PDGFC: variants seen among roughly 807,000 people sequenced by gnomAD.
The protein encoded by PDGFC is platelet derived growth factor C.
In PDGFC, 12 loss-of-function variants were observed where a neutral mutation model predicts 35.5. That is an observed-to-expected ratio of 0.34 (90% confidence interval 0.22 to 0.55). PDGFC has a LOEUF of 0.55. Among genes scored for constraint, PDGFC ranks in the 20% least tolerant of loss-of-function variants. The pLI is 0.91. For synonymous variants in PDGFC, 159 were observed against 148.8 expected, an observed-to-expected ratio of 1.07 and a Z score of -0.50; for missense variants, 322 against 412.4, an observed-to-expected ratio of 0.78 and a Z score of 1.90.
chr4:156,823,833 G>A (rs944559026), intron 2 of PDGFC, among the ~76,000 whole-genome samples: 1 of 152,110 alleles, frequency 6.6e-6, no homozygotes, highest in South Asian at 2.1e-4. Flanking sequence ...AGCAACCTAA[G>A]TGTCCATCAA....
At chr4:156,812,127 G>T (rs1479901954) in intron 2 of PDGFC, among the ~76,000 whole-genome samples, 1 of 151,638 alleles carries the variant, frequency 6.6e-6, no homozygotes, top group Non-Finnish European at 1.5e-5. Flanking sequence ...TCTGTGTTTT[G>T]TTTTAAACTT....
intron 1 of PDGFC, chr4:156,861,340 G>T: frequency 2.4e-6 from 1 of 417,556 alleles, no homozygotes; most frequent in Non-Finnish European, 4.4e-6. Flanking sequence ...ATGGTTCATT[G>T]TATCAAGCTT....
rs150760322 is a variant in PDGFC at position 156,800,691 on chromosome 4, C to T, written c.495+10146G>A. Among the ~76,000 whole-genome samples the T allele has an allele frequency of 1.9e-3, 295 of 152,238 alleles. 1 individual carries two copies. Among genetic ancestry groups the T allele is most frequent in the African/African-American group, 6.7e-3 (278 of 41,570 alleles). Reference sequence around the variant, plus strand: ...TCCTAGTGGATACAACTAGACATTACATTAATGTTATAACAGAGTTCAAGA... The same window carrying T: ...TCCTAGTGGATACAACTAGACATTATATTAATGTTATAACAGAGTTCAAGA... On this transcript the variant is annotated intron_variant, in intron 3 of 5. Transcript: ENST00000502773.
rs60033232 is a variant in PDGFC at position 156,825,593 on chromosome 4, TAAGAAGAAGAAGAAGAAGAAGAAG to T, written c.315-14600_315-14577del. On this transcript the variant is annotated intron_variant, in intron 2 of 5. Transcript: ENST00000502773. ...ATAATAATAATAATAATAATAATAA[TAAGAAGAAGAAGAAGAAGAAGAAG>T]AAGAAGAAGAAGAAGAAGAAGAAGA... is the stretch of plus-strand genomic sequence containing the variant. 8.6e-3 allele frequency among the ~76,000 whole-genome samples: 537 copies of T among 62,178 alleles called. 1 individual carries two copies. The highest frequency in any genetic ancestry group is 0.01 in the Non-Finnish European group (365 of 35,610). The allele number at this position is 62,178 out of a possible 152,430, so 40.8% of individuals were successfully genotyped here.
intron 1 of PDGFC, among the ~76,000 whole-genome samples, chr4:156,888,144 G>C (rs76104202): frequency 0.058 from 8,841 of 152,108 alleles, 366 homozygotes; most frequent in Middle Eastern, 0.11. Flanking sequence ...GAGGTGTCTT[G>C]TCAACCGTAG....
chr4:156,781,702 T>C lies in PDGFC; in HGVS notation c.496-8809A>G, dbSNP rs145027569. 3.2e-3 allele frequency among the ~76,000 whole-genome samples: 485 copies of C among 152,130 alleles called. 5 individuals are homozygous for C. Among genetic ancestry groups the C allele is most frequent in the African/African-American group, 0.011 (456 of 41,524 alleles). Reference sequence around the variant, plus strand: ...GTAGGGGAGGCATACCTACCAGCCATAGAAAATGGGGCGTTTGTCAAAATT... The same window carrying C: ...GTAGGGGAGGCATACCTACCAGCCACAGAAAATGGGGCGTTTGTCAAAATT... On this transcript the variant is annotated intron_variant, in intron 3 of 5. Transcript: ENST00000502773.
At chr4:156,931,917 T>C (rs1456296218) in intron 1 of PDGFC, among the ~76,000 whole-genome samples, 1 of 152,172 alleles carries the variant, frequency 6.6e-6, no homozygotes, top group Non-Finnish European at 1.5e-5. Flanking sequence ...AATTGTTCTA[T>C]ACATTACTCA....
intron 2 of PDGFC, among the ~76,000 whole-genome samples, chr4:156,827,895 A>G (rs1474704884): frequency 1.3e-5 from 2 of 152,188 alleles, no homozygotes; most frequent in Non-Finnish European, 2.9e-5. Context: ...AAGATTTGCT[A>G]TTAGGAAATA....
At chr4:156,879,482 A>G (rs1730191946) in intron 1 of PDGFC, among the ~76,000 whole-genome samples, 1 of 152,154 alleles carries the variant, frequency 6.6e-6, no homozygotes, top group African/African-American at 2.4e-5. Context: ...TAACAGTGAA[A>G]AAGATAACAA....
chr4:156,965,969 C>T (rs538021461), intron 1 of PDGFC, among the ~76,000 whole-genome samples: 1 of 152,194 alleles, frequency 6.6e-6, no homozygotes, highest in East Asian at 1.9e-4. Context: ...CAGTACCAGG[C>T]ATTGGAATTT....
At chr4:156,785,417 T>C (rs965980619) in intron 3 of PDGFC, among the ~76,000 whole-genome samples, 1 of 152,208 alleles carries the variant, frequency 6.6e-6, no homozygotes, top group Non-Finnish European at 1.5e-5. Flanking sequence ...TTTCACCATG[T>C]TGGCCAGGCT....
At chr4:156,789,537 C>T (rs1281572512) in intron 3 of PDGFC, among the ~76,000 whole-genome samples, 23 of 152,110 alleles carry the variant, frequency 1.5e-4, no homozygotes, top group Admixed American at 1.2e-3. Flanking sequence ...CACACATGCA[C>T]ACACACACCA....
chr4:156,903,687 A>C (rs1730848049), intron 1 of PDGFC, among the ~76,000 whole-genome samples: 1 of 152,190 alleles, frequency 6.6e-6, no homozygotes, highest in Admixed American at 6.5e-5. Context: ...CTGCCAGTGA[A>C]ATAATCAGAA....
chr4:156,790,834 G>T (rs1021679835), intron 3 of PDGFC, among the ~76,000 whole-genome samples: 1 of 152,118 alleles, frequency 6.6e-6, no homozygotes, highest in Non-Finnish European at 1.5e-5. Flanking sequence ...TGAGAACGGG[G>T]CAAGCCAATA....
intron 2 of PDGFC, among the ~76,000 whole-genome samples, chr4:156,824,327 T>TATATACAC (rs1491500876): frequency 3.3e-4 from 34 of 102,804 alleles, no homozygotes; most frequent in African/African-American, 1.2e-3. Flanking sequence ...TATATATATA[T>TATATACAC]ACACACACAC....
chr4:156,964,705 A>G (rs562488293), intron 1 of PDGFC, among the ~76,000 whole-genome samples: 1 of 152,304 alleles, frequency 6.6e-6, no homozygotes, highest in South Asian at 2.1e-4. Flanking sequence ...GGAAAAATGT[A>G]TCACCACATT....
rs1242806374 is a variant in PDGFC, at chr4:156,787,718, A to G, written c.496-14825T>C. ...GGCACACTTGAGTGGTCAAGAGATG[A>G]ATGAGATGGAGTAAGGAAGACAAAC... On this transcript the variant is annotated intron_variant, in intron 3 of 5. Coordinates refer to ENST00000502773, the MANE Select transcript of PDGFC (RefSeq NM_016205.3). Among the ~76,000 whole-genome samples the G allele has an allele frequency of 2.0e-5, 3 of 152,106 alleles. No homozygotes were observed. The South Asian group carries it at 6.2e-4, about 31-fold the overall frequency.
intron 2 of PDGFC, among the ~76,000 whole-genome samples, chr4:156,818,903 T>C (rs1318783559): frequency 6.6e-6 from 1 of 152,264 alleles, no homozygotes; most frequent in East Asian, 1.9e-4. Flanking sequence ...AATATTCTTG[T>C]ATCTCAGGGA....
intron 1 of PDGFC, among the ~76,000 whole-genome samples, chr4:156,948,556 G>A (rs1243195369): frequency 6.6e-6 from 1 of 151,898 alleles, no homozygotes; most frequent in Non-Finnish European, 1.5e-5. Flanking sequence ...ATTTGTATTT[G>A]CCTTCCCTGA....
Sources: gnomAD v4.1 joint callset for allele counts (sites outside exome capture counted in the v4.1 genomes callset) on GRCh38, gnomAD v4.1.1 for gene constraint, MANE v1.5 for transcripts, NCBI Gene and HGNC (gene_info 2026-07-23, HGNC 2026-07-21) for gene names.